Variants in CADPS observed in about 807,000 individuals in gnomAD.
The protein encoded by CADPS is calcium-dependent secretion activator 1.
A neutral mutation model predicts 167.3 loss-of-function variants in CADPS; 57 were observed. The ratio of observed to expected loss-of-function variants is 0.34; its 90% CI spans 0.28 to 0.42. The LOEUF (loss-of-function observed/expected upper bound fraction) is 0.42. Among genes scored for constraint, CADPS ranks in the 20% least tolerant of loss-of-function variants. The probability of loss-of-function intolerance (pLI) is 1.00; values close to 1 mark genes in which losing one functional copy is unlikely to be tolerated. For synonymous variants in CADPS, 676 were observed against 635.3 expected (o/e 1.06, Z -0.96); for missense variants, 1,414 against 1,738.1 (o/e 0.81, Z 3.32).
At chr3:62,485,737 G>A (rs2062718597) in intron 21 of CADPS, among the ~76,000 whole-genome samples, 1 of 152,142 alleles carries the variant, frequency 6.6e-6, no homozygotes. Flanking sequence ...CACCTGTTAT[G>A]TTCCAGGCCC....
intron 11 of CADPS, 75 bp from the exon 12 acceptor site, chr3:62,536,656 C>T (rs1577372112): frequency 2.8e-6 from 4 of 1,418,774 alleles, no homozygotes; most frequent in Non-Finnish European, 4.0e-6. Flanking sequence ...TTCAAATACA[C>T]AGGAATTCAC....
intron 1 of CADPS, among the ~76,000 whole-genome samples, chr3:62,846,083 C>A (rs1240273493): frequency 6.7e-6 from 1 of 149,194 alleles, no homozygotes; most frequent in Non-Finnish European, 1.5e-5. Context: ...CTCTCTCTCT[C>A]CTGCCACCAT....
intron 7 of CADPS, among the ~76,000 whole-genome samples, chr3:62,586,630 C>T (rs2084696993): frequency 6.6e-6 from 1 of 152,184 alleles, no homozygotes; most frequent in South Asian, 2.1e-4. Context: ...TACATTCTTG[C>T]TAACCACAAA....
chr3:62,612,624 A>C, intron 6 of CADPS, among the ~76,000 whole-genome samples: 1 of 152,208 alleles, frequency 6.6e-6, no homozygotes, highest in East Asian at 1.9e-4. Context: ...TATAATGGAG[A>C]TGAGTCACCA....
At chr3:62,780,210 T>C (rs9830351) in intron 1 of CADPS, among the ~76,000 whole-genome samples, 4,786 of 152,158 alleles carry the variant, frequency 0.031, 285 homozygotes, top group African/African-American at 0.11. Context: ...GATCTAAAAC[T>C]TGAAAATACA....
At chr3:62,742,054 G>T (rs2080376322) in intron 3 of CADPS, among the ~76,000 whole-genome samples, 2 of 152,014 alleles carry the variant, frequency 1.3e-5, no homozygotes, top group African/African-American at 2.4e-5. Flanking sequence ...AAATACCCAG[G>T]AATATAGCTA....
At chr3:62,605,238 T>G in intron 6 of CADPS, among the ~76,000 whole-genome samples, 1 of 82,644 alleles carries the variant, frequency 1.2e-5, no homozygotes, top group African/African-American at 5.2e-5. Flanking sequence ...AGGAGCCAAA[T>G]GAGGGGAAAA....
chr3:62,851,946 C>G (rs1406138160), intron 1 of CADPS, among the ~76,000 whole-genome samples: 1 of 151,454 alleles, frequency 6.6e-6, no homozygotes, highest in African/African-American at 2.4e-5. Context: ...TCACATAGTT[C>G]CATATTTCTT....
intron 28 of CADPS, among the ~76,000 whole-genome samples, chr3:62,435,232 C>A (rs2054756837): frequency 6.6e-6 from 1 of 152,164 alleles, no homozygotes; most frequent in Non-Finnish European, 1.5e-5. Context: ...AGAATAAGTT[C>A]ATTTGCAGCA....
intron 3 of CADPS, among the ~76,000 whole-genome samples, chr3:62,731,219 G>A (rs1427476544): frequency 6.6e-6 from 1 of 152,184 alleles, no homozygotes; most frequent in Non-Finnish European, 1.5e-5. Flanking sequence ...AATTGTGAAG[G>A]ACATGTATAA....
At chr3:62,708,169 T>C (rs1479868920) in intron 3 of CADPS, among the ~76,000 whole-genome samples, 1 of 151,926 alleles carries the variant, frequency 6.6e-6, no homozygotes, top group Non-Finnish European at 1.5e-5. Flanking sequence ...AGTGATCTGC[T>C]TGCCTCAGCC....
At chr3:62,522,149 CT>C (rs1224219325) in intron 13 of CADPS, among the ~76,000 whole-genome samples, 1 of 148,364 alleles carries the variant, frequency 6.7e-6, no homozygotes, top group African/African-American at 2.5e-5. Flanking sequence ...ATCTATCTAT[CT>C]AACTATTGAG....
rs74635690 is a variant in CADPS, at chr3:62,873,102, G to C, written c.441+1487C>G. 7.2e-5 allele frequency among the ~76,000 whole-genome samples: 11 copies of C among 152,294 alleles called. No individual in the cohort carries two copies. The East Asian group carries it at 1.9e-3, about 27-fold the overall frequency. On this transcript the variant is annotated intron_variant, in intron 1 of 29. Transcript: ENST00000383710. ...AAAACAAGGGGCCACAGATAAAGAT[G>C]GAGAGTCTTGTGTGTAACCCACCTC...
rs1030862928 is a variant in CADPS, at chr3:62,544,420, A to G, written c.1966+5483T>C. On this transcript the variant is annotated intron_variant, in intron 11 of 29. Transcript: ENST00000383710. The surrounding 1 kb of genome is among the most constrained non-coding windows in gnomAD (Gnocchi z 4.4). ...ACCATTCGAATCTTTGGAATGGGAA[A>G]GGAAAAACAACAACAACAACAACAA... Among the ~76,000 whole-genome samples, 1 of 150,986 alleles carries G rather than the reference A, an allele frequency of 6.6e-6. No individual in the cohort carries two copies. The highest frequency in any genetic ancestry group is 2.5e-5 in the African/African-American group (1 of 40,764).
At chr3:62,873,415 G>A (rs556157313) in intron 1 of CADPS, among the ~76,000 whole-genome samples, 3 of 152,300 alleles carry the variant, frequency 2.0e-5, no homozygotes, top group South Asian at 4.1e-4. Context: ...CTGCCTCTGT[G>A]TGGGGCTTGA....
Position 62,646,234 on chromosome 3 carries a change from G to C in CADPS, c.1204-391C>G, listed in dbSNP as rs564454081. Among the ~76,000 whole-genome samples the C allele has an allele frequency of 4.7e-5, 7 of 147,546 alleles. No homozygotes were observed. The South Asian group carries it at 1.1e-3, about 23-fold the overall frequency. On this transcript the variant is annotated intron_variant, in intron 5 of 29. Transcript: ENST00000383710. ...TGGAGTGGTGCAATGGCGTGATCTCGGCTCACTGCAACCTCCACCTCCCTG... is the reference window on the plus strand; with the variant it reads ...TGGAGTGGTGCAATGGCGTGATCTCCGCTCACTGCAACCTCCACCTCCCTG...
chr3:62,559,534 G>A (rs940838147), intron 9 of CADPS, among the ~76,000 whole-genome samples: 16 of 151,156 alleles, frequency 1.1e-4, no homozygotes, highest in Non-Finnish European at 2.9e-5. Context: ...TCTTCTTGTT[G>A]CCCAGACTGG....
chr3:62,544,938 G>T lies in CADPS; in HGVS notation c.1966+4965C>A. 1.2e-6 allele frequency: 1 copy of T among 817,908 alleles called. No individual in the cohort carries two copies. The highest frequency in any genetic ancestry group is 2.1e-5 in the South Asian group (1 of 48,704). The allele number at this position is 817,908 out of a possible 1,614,324, so 50.7% of individuals were successfully genotyped here. ...ACAAGGCTCAGGAAAGCAGACAGGA[G>T]TTCTAACCTAGCAGCCTAAGTTCTT... is the stretch of plus-strand genomic sequence containing the variant. On this transcript the variant is annotated intron_variant, in intron 11 of 29. Coordinates refer to ENST00000383710, the MANE Select transcript of CADPS (RefSeq NM_003716.4). This position sits in a 1 kb window ranked among gnomAD's most constrained non-coding sequence, Gnocchi z 4.4.
At chr3:62,715,609 T>C (rs1386054848) in intron 3 of CADPS, among the ~76,000 whole-genome samples, 2 of 151,320 alleles carry the variant, frequency 1.3e-5, no homozygotes, top group Non-Finnish European at 2.9e-5. Flanking sequence ...ATTTAAGACA[T>C]TTCCCTTAGT....
Sources: allele counts gnomAD v4.1 joint callset (sites outside exome capture counted in the v4.1 genomes callset), GRCh38; gene constraint gnomAD v4.1.1; non-coding constraint Gnocchi (gnomAD v3.1); transcripts MANE v1.5; gene names NCBI Gene and HGNC (gene_info 2026-07-23, HGNC 2026-07-21).